LRP2: variants seen among roughly 807,000 people sequenced by gnomAD.
LRP2 encodes low-density lipoprotein receptor-related protein 2.
In LRP2, 172 loss-of-function variants were observed where a neutral mutation model predicts 531.0. The ratio of observed to expected loss-of-function variants is 0.32; its 90% CI spans 0.29 to 0.37. LRP2 has a LOEUF of 0.37. Among genes scored for constraint, LRP2 ranks in the 10% least tolerant of loss-of-function variants. LRP2 has a pLI of 1.00. For missense variants in LRP2, 5,167 were observed against 5,868.3 expected, an observed-to-expected ratio of 0.88 and a Z score of 3.90; for synonymous variants, 1,992 against 2,027.6, an observed-to-expected ratio of 0.98 and a Z score of 0.47.
intron 15 of LRP2, chr2:169,271,611 GCACACACACACA>G (rs55672417): frequency 0.042 from 9,619 of 231,226 alleles, 302 homozygotes; most frequent in African/African-American, 0.1. Flanking sequence ...GGCAAAACAT[GCACACACACACA>G]CACACACACA....
intron 70 of LRP2, among the ~76,000 whole-genome samples, chr2:169,144,924 G>C (rs907882518): frequency 6.6e-6 from 1 of 152,212 alleles, no homozygotes; most frequent in African/African-American, 2.4e-5. Context: ...AAGATGCTGA[G>C]TTTTGGGTTG....
intron 33 of LRP2, among the ~76,000 whole-genome samples, chr2:169,221,940 CAAA>C (rs1236438494): frequency 2.5e-5 from 1 of 40,804 alleles, no homozygotes; most frequent in African/African-American, 2.4e-4. Flanking sequence ...GGCTTCACTA[CAAA>C]ATTCAGCTAT....
chr2:169,259,221 T>C lies in LRP2; in HGVS notation c.2321-4A>G. 1 of 1,608,330 alleles carries C rather than the reference T, an allele frequency of 6.2e-7. No individual in the cohort carries two copies. Among genetic ancestry groups the C allele is most frequent in the Admixed American group, 1.7e-5 (1 of 59,814 alleles). Reference sequence around the variant, plus strand: ...TTAGCTGCGAGAATTTCTCTTCCTATAAGTTAAAATATGGACATATTTTAA... The same window carrying C: ...TTAGCTGCGAGAATTTCTCTTCCTACAAGTTAAAATATGGACATATTTTAA... On this transcript the variant is annotated splice_region_variant and splice_polypyrimidine_tract_variant and intron_variant, in intron 16 of 78. Coordinates refer to ENST00000649046, the MANE Select transcript of LRP2 (RefSeq NM_004525.3).
At chr2:169,221,500 T>A (rs1688995488) in intron 33 of LRP2, among the ~76,000 whole-genome samples, 1 of 152,216 alleles carries the variant, frequency 6.6e-6, no homozygotes, top group South Asian at 2.1e-4. Context: ...AGAAGTTTCT[T>A]ACAGCAATGA....
At chr2:169,361,378 C>G (rs1028983861) in intron 1 of LRP2, among the ~76,000 whole-genome samples, 1 of 55,134 alleles carries the variant, frequency 1.8e-5, no homozygotes, top group Non-Finnish European at 4.2e-5. Context: ...CTCTCTCTCC[C>G]TCTCTCTCTC....
intron 3 of LRP2, among the ~76,000 whole-genome samples, chr2:169,308,401 T>A (rs958812743): frequency 1.2e-4 from 19 of 152,100 alleles, no homozygotes; most frequent in African/African-American, 4.3e-4. Flanking sequence ...GGACCCAGTT[T>A]GTGATGTTCC....
chr2:169,201,665 G>A lies in LRP2; in HGVS notation c.8415C>T (p.Asn2805=), dbSNP rs1396722131. 5 of 1,614,096 alleles carry A rather than the reference G, an allele frequency of 3.1e-6. No individual in the cohort carries two copies. Among genetic ancestry groups the A allele is most frequent in the Non-Finnish European group, 4.2e-6 (5 of 1,179,998 alleles). Residue 2805 remains asparagine, a synonymous_variant, in exon 44 of 79, where the codon AAC becomes AAT. Coordinates refer to ENST00000649046, the MANE Select transcript of LRP2 (RefSeq NM_004525.3). ...PREFICNGVD[N]CHDNNTSDEK... is the part of the protein sequence containing the mutation. ...CATCTGAAGTGTTATTATCATGGCA[G>A]TTGTCTACACCATTGCAGATAAACT...
intron 46 of LRP2, among the ~76,000 whole-genome samples, chr2:169,196,279 T>G (rs1408631819): frequency 6.6e-6 from 1 of 152,224 alleles, no homozygotes; most frequent in African/African-American, 2.4e-5. Flanking sequence ...TATAGCAATA[T>G]GATTTATTGA....
At chr2:169,162,354 T>G in intron 63 of LRP2, 118 bp downstream of exon 63, 1 of 1,231,616 alleles carries the variant, frequency 8.1e-7, no homozygotes, top group Non-Finnish European at 1.2e-6. Flanking sequence ...TGACTGGAAT[T>G]CAAGCAAAAA....
Position 169,137,488 on chromosome 2 carries a change from T to C in LRP2, c.13524A>G (p.Glu4508=), listed in dbSNP as rs1300463857. The change falls in exon 76 of 79, where the codon GAA becomes GAG. Residue 4508 remains glutamate (E), a synonymous_variant. Transcript: ENST00000649046. ...TAIDRSMAMS[E]DFVMEMGKQP... is the part of the protein sequence containing the mutation. ...GCTTCCCCATTTCCATGACAAAGTC[T>C]TCACTCTGATGGCAGAGACAGAAAG... 1 of 1,583,926 alleles carries C rather than the reference T, an allele frequency of 6.3e-7. No homozygotes were observed. The highest frequency in any genetic ancestry group is 1.7e-5 in the Admixed American group (1 of 59,930).
intron 10 of LRP2, among the ~76,000 whole-genome samples, chr2:169,282,298 C>T (rs1469962699): frequency 3.3e-5 from 5 of 152,130 alleles, no homozygotes; most frequent in African/African-American, 1.2e-4. Flanking sequence ...CGACAAAATG[C>T]TTTGGAGCCC....
In LRP2 at chr2:169,361,826, G is replaced by A. The variant is rs931854819; in HGVS notation, c.79+495C>T. On this transcript the variant is annotated intron_variant, in intron 1 of 78. Coordinates refer to ENST00000649046, the MANE Select transcript of LRP2 (RefSeq NM_004525.3). ...AGAGCGGTCTCTGGGGGTCACCGCG[G>A]GACCAAGTTTCGCCGGTGGTGGGAG... 2.0e-5 allele frequency among the ~76,000 whole-genome samples: 3 copies of A among 152,200 alleles called. No homozygotes were observed. The East Asian group carries it at 5.8e-4, about 29-fold the overall frequency.
chr2:169,352,973 G>A (rs1387481368), intron 1 of LRP2, among the ~76,000 whole-genome samples: 1 of 152,038 alleles, frequency 6.6e-6, no homozygotes, highest in Non-Finnish European at 1.5e-5. Flanking sequence ...AAACCACCAT[G>A]GCACATGTAT....
At chr2:169,318,662 A>T in intron 3 of LRP2, 100 bp downstream of exon 3, 1 of 1,544,448 alleles carries the variant, frequency 6.5e-7, no homozygotes. Flanking sequence ...GCCCTGCTCC[A>T]CATTTATAAA....
chr2:169,235,828 C>G lies in LRP2; in HGVS notation c.4920+12G>C. 1 of 1,605,418 alleles carries G rather than the reference C, an allele frequency of 6.2e-7. No individual in the cohort carries two copies. Among genetic ancestry groups the G allele is most frequent in the South Asian group, 1.1e-5 (1 of 90,866 alleles). On this transcript the variant is annotated intron_variant, in intron 29 of 78. Transcript: ENST00000649046. ...TGTAGTTTTAATTTGGTTTTCCTCA[C>G]CACCAACTTACCAAATCACTGGCTA...
intron 9 of LRP2, among the ~76,000 whole-genome samples, chr2:169,287,831 A>AAATATTAAAATTTTAATATTTT (rs201276112): frequency 0.023 from 3,414 of 147,662 alleles, 60 homozygotes; most frequent in South Asian, 0.035. Flanking sequence ...AATAGTTCTA[A>AAATATTAAAATTTTAATATTTT]AATATTAAAA....
Position 169,128,390 on chromosome 2 carries a change from T to A in LRP2, c.*273A>T, listed in dbSNP as rs1433771318. The A allele has an allele frequency of 2.6e-5, 8 of 311,852 alleles. No homozygotes were observed. The highest frequency in any genetic ancestry group is 4.2e-5 in the Non-Finnish European group (7 of 165,016). The allele number at this position is 311,852 out of a possible 1,614,324, so 19.3% of individuals were successfully genotyped here. A position where few individuals can be genotyped will look rare whatever the true frequency, so the allele number is the denominator to read the frequency against. Reference sequence around the variant, plus strand: ...ATTAGCAAATTCAGTAACAGGATAATCTTTCCAAAATTTACAAATATACAA... The same window carrying A: ...ATTAGCAAATTCAGTAACAGGATAAACTTTCCAAAATTTACAAATATACAA... On this transcript the variant is annotated 3_prime_UTR_variant, in exon 79 of 79. Transcript: ENST00000649046.
chr2:169,290,270 T>TC (rs1683965991), intron 8 of LRP2, among the ~76,000 whole-genome samples: 2 of 142,910 alleles, frequency 1.4e-5, no homozygotes, highest in Admixed American at 1.4e-4. Flanking sequence ...GAAGCTTTTT[T>TC]TTTTTTTTTT....
intron 76 of LRP2, among the ~76,000 whole-genome samples, chr2:169,135,232 ACTC>A (rs1199822605): frequency 6.6e-6 from 1 of 150,520 alleles, no homozygotes; most frequent in African/African-American, 2.4e-5. Flanking sequence ...CTATTCTACT[ACTC>A]CTCAGGAATT....
Sources: allele counts gnomAD v4.1 joint callset (sites outside exome capture counted in the v4.1 genomes callset), GRCh38; gene constraint gnomAD v4.1.1; transcripts MANE v1.5; gene names NCBI Gene and HGNC (gene_info 2026-07-23, HGNC 2026-07-21).